HS6ST3: variants seen among roughly 807,000 people sequenced by gnomAD.
The protein encoded by HS6ST3 is heparan-sulfate 6-O-sulfotransferase 3.
A neutral mutation model predicts 36.7 loss-of-function variants in HS6ST3; 12 were observed. The ratio of observed to expected loss-of-function variants is 0.33; its 90% CI spans 0.21 to 0.53. HS6ST3 has a LOEUF of 0.53. HS6ST3 is among the 20% of genes least tolerant of loss of function. HS6ST3 has a pLI of 0.95. For missense variants in HS6ST3, 584 were observed against 640.9 expected, an observed-to-expected ratio of 0.91 and a Z score of 0.96; for synonymous variants, 240 against 257.5, an observed-to-expected ratio of 0.93 and a Z score of 0.65.
rs193009537 is a variant in HS6ST3, at chr13:96,521,715, T to G, written c.708-310775T>G. On this transcript the variant is annotated intron_variant, in intron 1 of 1. Transcript: ENST00000376705. Reference sequence around the variant, plus strand: ...TGGTGATATCCCCTTTATCATGTTTTATTGCATCTATTTGATTCTTCTCTC... The same window carrying G: ...TGGTGATATCCCCTTTATCATGTTTGATTGCATCTATTTGATTCTTCTCTC... Among the ~76,000 whole-genome samples, 481 of 152,308 alleles carry G rather than the reference T, an allele frequency of 3.2e-3. 1 individual carries two copies. The highest frequency in any genetic ancestry group is 0.011 in the Admixed American group (169 of 15,294).
At chr13:96,197,664 T>A (rs1220047783) in intron 1 of HS6ST3, among the ~76,000 whole-genome samples, 4 of 152,066 alleles carry the variant, frequency 2.6e-5, no homozygotes, top group Admixed American at 1.3e-4. Flanking sequence ...ACAATGAGGG[T>A]ACAGGTGTTA....
chr13:96,547,104 C>A lies in HS6ST3; in HGVS notation c.708-285386C>A, dbSNP rs960318024. The stretch of plus-strand genomic sequence containing the variant: ...CTGGCAACAGTTGGGCTGTCTTATG[C>A]GAGTAAGTTGGTGAAAGCTAATACG... On this transcript the variant is annotated intron_variant, in intron 1 of 1. Coordinates refer to ENST00000376705, the MANE Select transcript of HS6ST3 (RefSeq NM_153456.4). 5.3e-5 allele frequency among the ~76,000 whole-genome samples: 8 copies of A among 152,076 alleles called. No homozygotes were observed. In the East Asian group the frequency reaches 1.5e-3, roughly 29 times the overall value.
chr13:96,369,562 G>A (rs1026202933), intron 1 of HS6ST3, among the ~76,000 whole-genome samples: 3 of 152,122 alleles, frequency 2.0e-5, no homozygotes, highest in African/African-American at 7.2e-5. Flanking sequence ...TCATACAAAC[G>A]TGCAGAACTT....
At chr13:96,354,830 A>G (rs2055201714) in intron 1 of HS6ST3, among the ~76,000 whole-genome samples, 1 of 152,184 alleles carries the variant, frequency 6.6e-6, no homozygotes, top group Non-Finnish European at 1.5e-5. Context: ...CTTGCTATCA[A>G]ATATAGAACC....
intron 1 of HS6ST3, among the ~76,000 whole-genome samples, chr13:96,395,337 C>CT (rs2055415376): frequency 6.6e-6 from 1 of 152,204 alleles, no homozygotes; most frequent in Admixed American, 6.5e-5. Flanking sequence ...TCACATTTAT[C>CT]TTTAATAGCA....
At chr13:96,653,220 A>G (rs1370935749) in intron 1 of HS6ST3, among the ~76,000 whole-genome samples, 5 of 151,666 alleles carry the variant, frequency 3.3e-5, no homozygotes, top group Non-Finnish European at 7.4e-5. Context: ...TATTTTTTTT[A>G]TTTTTATACT....
chr13:96,727,017 T>C (rs1347383279), intron 1 of HS6ST3, among the ~76,000 whole-genome samples: 1 of 152,230 alleles, frequency 6.6e-6, no homozygotes, highest in Non-Finnish European at 1.5e-5. Flanking sequence ...AGATCCCTTT[T>C]GTCATCTACT....
At chr13:96,818,960 T>C (rs1878477147) in intron 1 of HS6ST3, among the ~76,000 whole-genome samples, 1 of 152,236 alleles carries the variant, frequency 6.6e-6, no homozygotes, top group Non-Finnish European at 1.5e-5. Flanking sequence ...GACTACAGTG[T>C]GTTGAAACTT....
intron 1 of HS6ST3, among the ~76,000 whole-genome samples, chr13:96,807,726 C>T (rs972154419): frequency 6.6e-5 from 10 of 151,876 alleles, no homozygotes; most frequent in African/African-American, 9.7e-5. Context: ...ATTAGCTGGG[C>T]GTGGTGGTGG....
intron 1 of HS6ST3, among the ~76,000 whole-genome samples, chr13:96,802,233 C>T (rs1049170256): frequency 2.0e-5 from 3 of 152,058 alleles, no homozygotes; most frequent in Admixed American, 2.0e-4. Context: ...TCAGGATTTA[C>T]GTGATTCATG....
At chr13:96,660,852 A>T (rs1409021792) in intron 1 of HS6ST3, among the ~76,000 whole-genome samples, 1 of 152,136 alleles carries the variant, frequency 6.6e-6, no homozygotes, top group Admixed American at 6.6e-5. Context: ...GGAGAGGAAG[A>T]CCCACCTTCA....
At chr13:96,599,004 C>G (rs1389003624) in intron 1 of HS6ST3, among the ~76,000 whole-genome samples, 1 of 152,112 alleles carries the variant, frequency 6.6e-6, no homozygotes. Context: ...CCCTGCATCC[C>G]TGGCATGAAA....
At chr13:96,514,694 G>A (rs952350718) in intron 1 of HS6ST3, among the ~76,000 whole-genome samples, 5 of 152,164 alleles carry the variant, frequency 3.3e-5, no homozygotes, top group African/African-American at 1.2e-4. Context: ...AGAACTGTGA[G>A]AAAAAAATGT....
intron 1 of HS6ST3, among the ~76,000 whole-genome samples, chr13:96,751,886 A>G (rs369891898): frequency 1.3e-5 from 2 of 150,758 alleles, no homozygotes; most frequent in South Asian, 2.1e-4. Flanking sequence ...AAAAGTTTAT[A>G]TATATATAAA....
chr13:96,800,697 T>C (rs921045271), intron 1 of HS6ST3, among the ~76,000 whole-genome samples: 2 of 152,038 alleles, frequency 1.3e-5, no homozygotes, highest in Non-Finnish European at 2.9e-5. Flanking sequence ...TATCTTGTTA[T>C]AGTGAATAAA....
intron 1 of HS6ST3, among the ~76,000 whole-genome samples, chr13:96,355,915 A>C (rs2055207953): frequency 2.0e-5 from 3 of 152,120 alleles, no homozygotes; most frequent in Admixed American, 6.6e-5. Flanking sequence ...TTTATGTAAT[A>C]TTCTAAATAA....
chr13:96,568,747 A>G (rs925003108), intron 1 of HS6ST3, among the ~76,000 whole-genome samples: 1 of 152,214 alleles, frequency 6.6e-6, no homozygotes, highest in African/African-American at 2.4e-5. Context: ...AGTAGCTATG[A>G]TCATGTTTTG....
intron 1 of HS6ST3, among the ~76,000 whole-genome samples, chr13:96,745,101 C>T (rs1223904820): frequency 6.6e-6 from 1 of 152,030 alleles, no homozygotes; most frequent in Non-Finnish European, 1.5e-5. Flanking sequence ...GATACATGGC[C>T]TCTTAAGTGC....
rs538596434 is a variant in HS6ST3 at position 96,162,379 on chromosome 13, T to G, written c.707+70810T>G. On this transcript the variant is annotated intron_variant, in intron 1 of 1. Coordinates refer to ENST00000376705, the MANE Select transcript of HS6ST3 (RefSeq NM_153456.4). Reference sequence around the variant, plus strand: ...GTGTGAAAATGGGAGCTGAAGAGGATCCAGAGAGACTAAATAGGTAGGCGA... The same window carrying G: ...GTGTGAAAATGGGAGCTGAAGAGGAGCCAGAGAGACTAAATAGGTAGGCGA... Among the ~76,000 whole-genome samples, 15 of 152,268 alleles carry G rather than the reference T, an allele frequency of 9.9e-5. No individual in the cohort carries two copies. The South Asian group carries it at 1.7e-3, about 17-fold the overall frequency.
Sources: gnomAD v4.1 joint callset for allele counts (sites outside exome capture counted in the v4.1 genomes callset) on GRCh38, gnomAD v4.1.1 for gene constraint, MANE v1.5 for transcripts, NCBI Gene and HGNC (gene_info 2026-07-23, HGNC 2026-07-21) for gene names.